TNIK: variants seen among roughly 807,000 people sequenced by gnomAD.
TNIK encodes TRAF2 and NCK interacting kinase.
Under a neutral mutation model 191.3 loss-of-function variants are expected in TNIK, and 49 were observed. The ratio of observed to expected loss-of-function variants is 0.26; its 90% CI spans 0.20 to 0.32. The LOEUF (loss-of-function observed/expected upper bound fraction) is 0.32, where lower values mean the gene tolerates loss of function less well. Ranked by LOEUF, TNIK falls within the 10% of genes least tolerant of loss-of-function variation. TNIK has a pLI of 1.00. For synonymous variants in TNIK, 594 were observed against 600.9 expected (o/e 0.99, Z 0.17); for missense variants, 1,155 against 1,702.3 (o/e 0.68, Z 5.66).
intron 1 of TNIK, among the ~76,000 whole-genome samples, chr3:171,413,804 C>T (rs1477635220): frequency 6.6e-6 from 1 of 152,160 alleles, no homozygotes; most frequent in African/African-American, 2.4e-5. Flanking sequence ...AGTCAAATCC[C>T]AGCCTTGCCA....
At chr3:171,444,639 A>G in intron 1 of TNIK, among the ~76,000 whole-genome samples, 1 of 152,068 alleles carries the variant, frequency 6.6e-6, no homozygotes, top group Non-Finnish European at 1.5e-5. Context: ...CAGAATTATC[A>G]ATTGAAAGTT....
At chr3:171,302,095 A>G (rs1416680720) in intron 2 of TNIK, among the ~76,000 whole-genome samples, 1 of 152,130 alleles carries the variant, frequency 6.6e-6, no homozygotes, top group African/African-American at 2.4e-5. Flanking sequence ...GAAATGTTCT[A>G]TTTTAAAAGG....
At chr3:171,334,716 C>T (rs566913192) in intron 2 of TNIK, among the ~76,000 whole-genome samples, 1 of 152,142 alleles carries the variant, frequency 6.6e-6, no homozygotes, top group South Asian at 2.1e-4. Context: ...TGTTTATTCA[C>T]CCAAGTCTGA....
chr3:171,315,885 A>G (rs1003295007), intron 2 of TNIK, among the ~76,000 whole-genome samples: 1 of 152,078 alleles, frequency 6.6e-6, no homozygotes, highest in African/African-American at 2.4e-5. Flanking sequence ...CAGAGACCCT[A>G]TTTCCAAATA....
chr3:171,112,455 A>AT (rs113405958), intron 18 of TNIK, among the ~76,000 whole-genome samples: 8,322 of 152,164 alleles, frequency 0.055, 571 homozygotes, highest in African/African-American at 0.16. Context: ...TCTTACAAAC[A>AT]TTTTTTTCTG....
intron 2 of TNIK, among the ~76,000 whole-genome samples, chr3:171,356,732 G>A (rs1042466111): frequency 2.0e-5 from 3 of 152,080 alleles, no homozygotes; most frequent in Admixed American, 2.0e-4. Context: ...TACTTACCTG[G>A]GGGCTTCAAG....
chr3:171,272,434 G>A (rs16856093), intron 2 of TNIK, among the ~76,000 whole-genome samples: 8 of 152,122 alleles, frequency 5.3e-5, no homozygotes, highest in East Asian at 1.9e-4. Context: ...AGATGGCACC[G>A]TACACATCGA....
intron 2 of TNIK, among the ~76,000 whole-genome samples, chr3:171,231,878 C>T (rs1743695485): frequency 6.6e-6 from 1 of 152,192 alleles, no homozygotes; most frequent in South Asian, 2.1e-4. Context: ...AAACTTAGGA[C>T]ACTTTCTCCT....
intron 4 of TNIK, among the ~76,000 whole-genome samples, chr3:171,203,510 GC>G (rs1365698087): frequency 6.6e-6 from 1 of 152,114 alleles, no homozygotes. Context: ...GAAATTTCAG[GC>G]CCAATATTTC....
intron 22 of TNIK, 58 bp downstream of exon 22, chr3:171,101,391 C>T: frequency 1.3e-6 from 2 of 1,519,044 alleles, no homozygotes; most frequent in African/African-American, 1.4e-5. Flanking sequence ...TTTTTTTGTC[C>T]TTTTATTTTG....
At position 171,071,982 on chromosome 3, in the gene TNIK, C is replaced by A. The variant is rs1463860; in HGVS notation, c.3449-659G>T. On this transcript the variant is annotated intron_variant, in intron 28 of 32. Transcript: ENST00000436636. ...AGTCCCCACAATGCTTTTGCCTACA[C>A]AAAGTAGTACTCAATAAATGCTTAT... Among the ~76,000 whole-genome samples, 48 of 152,202 alleles carry A rather than the reference C, an allele frequency of 3.2e-4. 2 individuals carry two copies. In the South Asian group the frequency reaches 7.7e-3, roughly 24 times the overall value.
intron 1 of TNIK, among the ~76,000 whole-genome samples, chr3:171,431,832 T>C (rs1725427435): frequency 6.6e-6 from 1 of 152,206 alleles, no homozygotes; most frequent in African/African-American, 2.4e-5. Flanking sequence ...ACCAAAAGGC[T>C]GCCACCCAGG....
intron 2 of TNIK, among the ~76,000 whole-genome samples, chr3:171,258,342 T>A (rs1272781037): frequency 6.6e-6 from 1 of 152,208 alleles, no homozygotes; most frequent in African/African-American, 2.4e-5. Context: ...TTTAAAGAGC[T>A]ACACTATCTC....
chr3:171,253,657 C>T (rs1160240279), intron 2 of TNIK, among the ~76,000 whole-genome samples: 1 of 137,602 alleles, frequency 7.3e-6, no homozygotes, highest in African/African-American at 2.7e-5. Flanking sequence ...CATGGACCAT[C>T]AAGACCCTAC....
chr3:171,113,661 C>A (rs1465350587), intron 18 of TNIK, among the ~76,000 whole-genome samples: 1 of 150,848 alleles, frequency 6.6e-6, no homozygotes, highest in Non-Finnish European at 1.5e-5. Flanking sequence ...GGCTACTACT[C>A]CCATTAAAAA....
intron 7 of TNIK, among the ~76,000 whole-genome samples, chr3:171,184,060 T>C (rs1330637631): frequency 2.0e-5 from 3 of 152,038 alleles, no homozygotes; most frequent in African/African-American, 7.2e-5. Flanking sequence ...TTAATCCCTT[T>C]ATATATATTC....
At chr3:171,143,677 G>GC (rs1731157351) in intron 12 of TNIK, among the ~76,000 whole-genome samples, 1 of 152,156 alleles carries the variant, frequency 6.6e-6, no homozygotes, top group Admixed American at 6.5e-5. Flanking sequence ...CCGTGTGTGG[G>GC]CAAGATCTCT....
chr3:171,066,795 C>T lies in TNIK; in HGVS notation c.3700-60G>A, dbSNP rs1718495706. 2.6e-6 allele frequency: 4 copies of T among 1,534,510 alleles called. No homozygotes were observed. The African/African-American group carries it at 4.1e-5, about 16-fold the overall frequency. On this transcript the variant is annotated intron_variant, in intron 30 of 32. Transcript: ENST00000436636. ...TAAAAAATAAAACACCTTGACTATT[C>T]ATCTCTAACAACTGCAAAAAAGAGG...
intron 12 of TNIK, among the ~76,000 whole-genome samples, chr3:171,153,876 C>T (rs1403862874): frequency 6.6e-6 from 1 of 151,892 alleles, no homozygotes. Context: ...CACTCTCCTC[C>T]ACCACGGCAG....
Sources: allele counts gnomAD v4.1 joint callset (sites outside exome capture counted in the v4.1 genomes callset), GRCh38; gene constraint gnomAD v4.1.1; transcripts MANE v1.5; gene names NCBI Gene and HGNC (gene_info 2026-07-23, HGNC 2026-07-21).